Variants in RGS5 observed in about 807,000 individuals in gnomAD.
RGS5 encodes the protein regulator of G protein signaling 5.
RGS5 carries 20 observed loss-of-function variants against 18.9 expected under a neutral mutation model. The observed-to-expected ratio is 1.06, with a 90% CI of 0.74 to 1.54. The LOEUF (loss-of-function observed/expected upper bound fraction) is 1.54, where lower values mean the gene tolerates loss of function less well. Among genes scored for constraint, RGS5 ranks in the 40% most tolerant of loss-of-function variants. The pLI, the probability that RGS5 is intolerant of heterozygous loss-of-function variation, is 0.00. For missense variants in RGS5, 201 were observed against 211.8 expected, an observed-to-expected ratio of 0.95 and a Z score of 0.32; for synonymous variants, 57 against 76.2, an observed-to-expected ratio of 0.75 and a Z score of 1.31.
chr1:163,268,487 G>T (rs759254793), intron 2 of RGS5, among the ~76,000 whole-genome samples: 2 of 151,882 alleles, frequency 1.3e-5, no homozygotes, highest in Admixed American at 6.6e-5. Context: ...CTGTTCCACC[G>T]AGGGCTAGCT....
At chr1:163,306,558 T>A (rs1020591768) in intron 1 of RGS5, among the ~76,000 whole-genome samples, 3 of 152,202 alleles carry the variant, frequency 2.0e-5, no homozygotes, top group Admixed American at 6.5e-5. Context: ...CCATGTTTTA[T>A]GGGTTGAATT....
At chr1:163,229,205 C>G (rs1208131426) in intron 2 of RGS5, among the ~76,000 whole-genome samples, 1 of 152,214 alleles carries the variant, frequency 6.6e-6, no homozygotes, top group Non-Finnish European at 1.5e-5. Flanking sequence ...AATTGACACA[C>G]AGTTCCATAT....
chr1:163,254,618 G>A (rs1463069752), intron 2 of RGS5, among the ~76,000 whole-genome samples: 2 of 152,182 alleles, frequency 1.3e-5, no homozygotes, highest in Non-Finnish European at 2.9e-5. Flanking sequence ...TCTGATGGTA[G>A]TTTCTTTTGC....
chr1:163,193,500 G>A (rs1484639565), intron 1 of RGS5, among the ~76,000 whole-genome samples: 1 of 152,034 alleles, frequency 6.6e-6, no homozygotes, highest in Non-Finnish European at 1.5e-5. Context: ...CTATGGTCAG[G>A]GTAAATAAGC....
At chr1:163,290,101 C>A (rs1377252869) in intron 2 of RGS5, among the ~76,000 whole-genome samples, 1 of 152,148 alleles carries the variant, frequency 6.6e-6, no homozygotes. Context: ...TCTTTGTACG[C>A]TATGCAAACA....
chr1:163,285,228 C>T (rs1427568001), intron 2 of RGS5, among the ~76,000 whole-genome samples: 1 of 152,150 alleles, frequency 6.6e-6, no homozygotes, highest in Non-Finnish European at 1.5e-5. Flanking sequence ...TTAACTTTTC[C>T]TTTGACAAGT....
chr1:163,166,781 C>T (rs1278032430), intron 2 of RGS5, among the ~76,000 whole-genome samples: 2 of 152,106 alleles, frequency 1.3e-5, no homozygotes, highest in Admixed American at 1.3e-4. Context: ...TCTCTGAATC[C>T]CTTTTAATCT....
chr1:163,219,751 A>G (rs1036601473), upstream of RGS5, among the ~76,000 whole-genome samples: 1 of 152,210 alleles, frequency 6.6e-6, no homozygotes, highest in South Asian at 2.1e-4. Context: ...AAAAAGTAAA[A>G]TGTCCTGAGG....
chr1:163,214,632 ATC>A (rs764741393), intron 1 of RGS5, among the ~76,000 whole-genome samples: 60 of 151,860 alleles, frequency 4.0e-4, no homozygotes, highest in Middle Eastern at 3.4e-3. Context: ...CAGCTCCTTT[ATC>A]TCTCTCCTCC....
chr1:163,157,631 T>C (rs1657637534), intron 3 of RGS5, among the ~76,000 whole-genome samples: 1 of 152,162 alleles, frequency 6.6e-6, no homozygotes, highest in South Asian at 2.1e-4. Context: ...AACATAACAA[T>C]GCCAAATTTC....
chr1:163,292,476 A>G (rs1260217456), intron 2 of RGS5, among the ~76,000 whole-genome samples: 1 of 152,194 alleles, frequency 6.6e-6, no homozygotes, highest in Admixed American at 6.5e-5. Context: ...GATGCAATGA[A>G]CACACACATG....
At chr1:163,176,888 GA>G (rs1658584324) in intron 1 of RGS5, among the ~76,000 whole-genome samples, 2 of 152,148 alleles carry the variant, frequency 1.3e-5, no homozygotes, top group African/African-American at 4.8e-5. Context: ...ACTACAATAT[GA>G]CATGATGTAT....
rs1649367208 is a variant in RGS5 at position 163,294,254 on chromosome 1, C to T, written c.-281+11979G>A. ...GGCTGCCCCTGCAGCAGACTTCTGT[C>T]AGGATATCCAGGTGTTTCCATACAT... is the stretch of plus-strand genomic sequence containing the variant. On this transcript the variant is annotated intron_variant, in intron 2 of 5. Transcript: ENST00000618415. 2.0e-5 allele frequency among the ~76,000 whole-genome samples: 3 copies of T among 152,368 alleles called. No homozygotes were observed. In the South Asian group the frequency reaches 6.2e-4, roughly 32 times the overall value.
At chr1:163,259,241 T>C (rs1648361451) in intron 2 of RGS5, among the ~76,000 whole-genome samples, 1 of 151,994 alleles carries the variant, frequency 6.6e-6, no homozygotes, top group Admixed American at 6.6e-5. Flanking sequence ...AAGCTCCAAC[T>C]TCCGGGTTCA....
chr1:163,157,688 A>C (rs1323897433), intron 3 of RGS5, among the ~76,000 whole-genome samples: 1 of 147,534 alleles, frequency 6.8e-6, no homozygotes, highest in African/African-American at 2.5e-5. Context: ...AAATGGTTTA[A>C]ATTTATCAAA....
At chr1:163,318,580 G>T (rs1327950739) in intron 1 of RGS5, among the ~76,000 whole-genome samples, 2 of 152,092 alleles carry the variant, frequency 1.3e-5, no homozygotes, top group African/African-American at 2.4e-5. Flanking sequence ...GAGCAAATAG[G>T]TTAAAACAAT....
At chr1:163,231,866 G>A (rs911189400) in intron 2 of RGS5, among the ~76,000 whole-genome samples, 9 of 151,218 alleles carry the variant, frequency 6.0e-5, no homozygotes, top group Admixed American at 1.3e-4. Context: ...CCTTGTTATC[G>A]TTATATGTGC....
At chr1:163,193,889 G>C (rs939246471) in intron 1 of RGS5, among the ~76,000 whole-genome samples, 1 of 152,164 alleles carries the variant, frequency 6.6e-6, no homozygotes, top group Admixed American at 6.5e-5. Flanking sequence ...CAGAAGGGCA[G>C]GAGTGGGCCA....
intron 1 of RGS5, chr1:163,319,154 C>T (rs1650112055): frequency 1.3e-5 from 2 of 152,278 alleles, no homozygotes; most frequent in South Asian, 2.1e-4. Context: ...TTGTTTAAAG[C>T]ACTAGATATC....
Sources: gnomAD v4.1 joint callset for allele counts (sites outside exome capture counted in the v4.1 genomes callset) on GRCh38, gnomAD v4.1.1 for gene constraint, MANE v1.5 for transcripts, NCBI Gene and HGNC (gene_info 2026-07-23, HGNC 2026-07-21) for gene names.